Variants in SUPT5H observed in about 807,000 individuals in gnomAD.
SUPT5H encodes SPT5 homolog, DSIF elongation factor subunit.
In SUPT5H, 24 loss-of-function variants were observed where a neutral mutation model predicts 142.5. The ratio of observed to expected loss-of-function variants is 0.17; its 90% CI spans 0.12 to 0.24. The LOEUF (loss-of-function observed/expected upper bound fraction) is 0.24, where lower values mean the gene tolerates loss of function less well. Ranked by LOEUF, SUPT5H falls within the 10% of genes least tolerant of loss-of-function variation. The probability of loss-of-function intolerance (pLI) is 1.00; values close to 1 mark genes in which losing one functional copy is unlikely to be tolerated. For synonymous variants in SUPT5H, 546 were observed against 553.0 expected, an observed-to-expected ratio of 0.99 and a Z score of 0.18; for missense variants, 893 against 1,471.8, an observed-to-expected ratio of 0.61 and a Z score of 6.43.
Position 39,453,436 on chromosome 19 carries a change from G to A in SUPT5H, c.156G>A (p.Glu52=), listed in dbSNP as rs753644024. The stretch of plus-strand genomic sequence containing the variant: ...ACGAAGAGGAGGAGGAAGAGGAGGA[G>A]GAATACGATGAGGAAGAGGAGGAAG... ...PEDEEEEEEE[E]EYDEEEEEED... The change falls in exon 3 of 30, where the codon GAG becomes GAA. Residue 52 remains glutamate, a synonymous_variant. Transcript: ENST00000432763. 5 of 1,572,030 alleles carry A rather than the reference G, an allele frequency of 3.2e-6. No homozygotes were observed. The South Asian group carries it at 4.7e-5, about 15-fold the overall frequency.
In SUPT5H at chr19:39,456,911, C is replaced by T. The variant is rs141140513; in HGVS notation, c.242-764C>T. Among the ~76,000 whole-genome samples the T allele has an allele frequency of 4.1e-3, 628 of 152,252 alleles. 3 individuals are homozygous for T. The highest frequency in any genetic ancestry group is 0.014 in the African/African-American group (593 of 41,534). ...ATATCTCTAGGCAAGAAACTAGTCA[C>T]GGAGTTGCCTTTGGGAGAGGTTACT... On this transcript the variant is annotated intron_variant, in intron 3 of 29. Coordinates refer to ENST00000432763, the MANE Select transcript of SUPT5H (RefSeq NM_001111020.3).
chr19:39,471,290 G>A (rs1206230726), intron 18 of SUPT5H, 67 bp from the exon 19 acceptor site: 1 of 1,591,022 alleles, frequency 6.3e-7, no homozygotes, highest in Non-Finnish European at 8.6e-7. Context: ...CCCACTTTAG[G>A]GAACCCCTGC....
At position 39,470,072 on chromosome 19, in the gene SUPT5H, GGT is replaced by G; in HGVS notation, c.1375-45_1375-44del. 1.9e-6 allele frequency: 3 copies of G among 1,587,196 alleles called. No homozygotes were observed. Among genetic ancestry groups the G allele is most frequent in the Non-Finnish European group, 2.6e-6 (3 of 1,162,120 alleles). ...AAGACAGGAGGGGCAGGCAGGTTGT[GGT>G]GGTCTCCCTTCACCTGTTTGTTGTC... On this transcript the variant is annotated intron_variant, in intron 16 of 29. Transcript: ENST00000432763. This position sits in a 1 kb window ranked among gnomAD's most constrained non-coding sequence, Gnocchi z 5.8.
In SUPT5H at chr19:39,473,000, G is replaced by T; in HGVS notation, c.2156-12G>T. On this transcript the variant is annotated splice_polypyrimidine_tract_variant and intron_variant, in intron 22 of 29. Coordinates refer to ENST00000432763, the MANE Select transcript of SUPT5H (RefSeq NM_001111020.3). The surrounding 1 kb of genome is among the most constrained non-coding windows in gnomAD (Gnocchi z 4.2). ...GAGAGCCTGCCCAGCCTGACCTCCT[G>T]TCCCCCTGCAGGCTACATCGGTGTG... is the stretch of plus-strand genomic sequence containing the variant. 1 of 1,613,208 alleles carries T rather than the reference G, an allele frequency of 6.2e-7. No individual in the cohort carries two copies.
At position 39,457,753 on chromosome 19, in the gene SUPT5H, C is replaced by A. The variant is rs368617217; in HGVS notation, c.307+13C>A. 7 of 1,613,994 alleles carry A rather than the reference C, an allele frequency of 4.3e-6. No homozygotes were observed. The highest frequency in any genetic ancestry group is 5.9e-6 in the Non-Finnish European group (7 of 1,179,986). On this transcript the variant is annotated intron_variant, in intron 4 of 29. Transcript: ENST00000432763. ...ATTCTAGAGAAAGGTGTGTGTGAGC[C>A]CTGCCTCCACAAGACTACTGGGAAG...
chr19:39,458,553 G>T lies in SUPT5H; in HGVS notation c.319+248G>T. 1 of 788,892 alleles carries T rather than the reference G, an allele frequency of 1.3e-6. No individual in the cohort carries two copies. The highest frequency in any genetic ancestry group is 2.0e-6 in the Non-Finnish European group (1 of 497,772). 48.9% of individuals were successfully genotyped at this position (788,892 alleles called of 1,614,324 possible). A position where few individuals can be genotyped will look rare whatever the true frequency, so the allele number is the denominator to read the frequency against. On this transcript the variant is annotated intron_variant, in intron 5 of 29. Transcript: ENST00000432763. This position sits in a 1 kb window ranked among gnomAD's most constrained non-coding sequence, Gnocchi z 4.2. ...TGGGTGGTAGCGATGTGTGGGGTGG[G>T]GTGCAGTCCAGGGTGTGCCTGGACT...
chr19:39,464,764 C>T (rs372320455), intron 10 of SUPT5H, 34 bp from the exon 11 acceptor site: 1 of 1,564,788 alleles, frequency 6.4e-7, no homozygotes, highest in Non-Finnish European at 8.7e-7. Context: ...CGTTGTGTCT[C>T]ACTGTTTCCT....
intron 3 of SUPT5H, among the ~76,000 whole-genome samples, chr19:39,456,409 TGTTG>T (rs1173354983): frequency 6.8e-6 from 1 of 146,474 alleles, no homozygotes; most frequent in Non-Finnish European, 1.5e-5. Flanking sequence ...TGTTTTTTTT[TGTTG>T]TTGTTGTTGT....
In SUPT5H at chr19:39,458,273, A is replaced by ACCACCT; in HGVS notation, c.308-19_308-18insACCTCC. ...CACCACCACCACCACCACCACCACC[A>ACCACCT]CCTCCTCTTCCTCCAAGTAGAAGAG... is the stretch of plus-strand genomic sequence containing the variant. On this transcript the variant is annotated intron_variant, in intron 4 of 29. Transcript: ENST00000432763. This position sits in a 1 kb window ranked among gnomAD's most constrained non-coding sequence, Gnocchi z 4.2. 1 of 1,023,212 alleles carries ACCACCT rather than the reference A, an allele frequency of 9.8e-7. No homozygotes were observed. The highest frequency in any genetic ancestry group is 3.7e-5 in the East Asian group (1 of 26,784). The allele number at this position is 1,023,212 out of a possible 1,614,324, so 63.4% of individuals were successfully genotyped here.
At chr19:39,446,307 C>T (rs959417040) in intron 2 of SUPT5H, among the ~76,000 whole-genome samples, 3 of 151,770 alleles carry the variant, frequency 2.0e-5, no homozygotes, top group African/African-American at 7.3e-5. Flanking sequence ...ATTCTTTGCT[C>T]TTAGGGTACA....
At chr19:39,455,925 CT>C (rs34762912) in intron 3 of SUPT5H, among the ~76,000 whole-genome samples, 49,767 of 91,242 alleles carry the variant, frequency 0.55, 13,321 homozygotes, top group African/African-American at 0.66. Context: ...CCCGCCTCTT[CT>C]TTTTTTTTTT....
Position 39,472,553 on chromosome 19 carries a change from T to C in SUPT5H, c.2035+60T>C. ...TAGAAGGGGCTGGAAGGAACTTGGT[T>C]GTTCAGCCTACACTCACTGAGTGCC... On this transcript the variant is annotated intron_variant, in intron 21 of 29. Coordinates refer to ENST00000432763, the MANE Select transcript of SUPT5H (RefSeq NM_001111020.3). The surrounding 1 kb of genome is among the most constrained non-coding windows in gnomAD (Gnocchi z 4.2). 1 of 1,578,586 alleles carries C rather than the reference T, an allele frequency of 6.3e-7. No homozygotes were observed. The highest frequency in any genetic ancestry group is 8.7e-7 in the Non-Finnish European group (1 of 1,150,360).
rs201354133 is a variant in SUPT5H at position 39,473,209 on chromosome 19, A to G, written c.2265A>G (p.Ser755=). Residue 755 remains serine (S), a synonymous_variant, in exon 24 of 30, where the codon TCA becomes TCG. Transcript: ENST00000432763. The surrounding 1 kb of genome is among the most constrained non-coding windows in gnomAD (Gnocchi z 5.8). ...TTGTTCTCTGCGTCCCCAGGGGCTC[A>G]CGGCGCCCGGGCGGCATGACCTCGA... is the stretch of plus-strand genomic sequence containing the variant. ...VDRQRLTTVG[S]RRPGGMTSTY... is the part of the protein sequence containing the mutation. 778 of 1,612,448 alleles carry G rather than the reference A, an allele frequency of 4.8e-4. 17 individuals carry two copies. In the South Asian group the frequency reaches 7.9e-3, roughly 16 times the overall value.
chr19:39,463,940 T>A (rs1858609124), intron 10 of SUPT5H, among the ~76,000 whole-genome samples: 1 of 152,190 alleles, frequency 6.6e-6, no homozygotes, highest in Non-Finnish European at 1.5e-5. Flanking sequence ...TTAAAGTATA[T>A]TTTGTCTGAT....
At chr19:39,471,999 C>G in intron 20 of SUPT5H, 1 of 524,546 alleles carries the variant, frequency 1.9e-6, no homozygotes, top group Non-Finnish European at 3.3e-6. Context: ...AAATACTCTG[C>G]TCTCACAGAG....
intron 2 of SUPT5H, among the ~76,000 whole-genome samples, chr19:39,452,098 G>C (rs1707403152): frequency 6.6e-6 from 1 of 152,160 alleles, no homozygotes; most frequent in African/African-American, 2.4e-5. Context: ...GAGAAATGAT[G>C]TTTACAGGCA....
chr19:39,471,325 A>AC, intron 18 of SUPT5H, 32 bp from the exon 19 acceptor site: 2 of 1,613,156 alleles, frequency 1.2e-6, no homozygotes, highest in Non-Finnish European at 1.7e-6. Context: ...TCCCATTCTC[A>AC]CCCCCACAGC....
rs2079120785 is a variant in SUPT5H at position 39,458,492 on chromosome 19, A to G, written c.319+187A>G. 9.1e-7 allele frequency: 1 copy of G among 1,094,680 alleles called. No individual in the cohort carries two copies. Among genetic ancestry groups the G allele is most frequent in the South Asian group, 1.5e-5 (1 of 65,852 alleles). The allele number at this position is 1,094,680 out of a possible 1,614,324, so 67.8% of individuals were successfully genotyped here. On this transcript the variant is annotated intron_variant, in intron 5 of 29. Coordinates refer to ENST00000432763, the MANE Select transcript of SUPT5H (RefSeq NM_001111020.3). The surrounding 1 kb of genome is among the most constrained non-coding windows in gnomAD (Gnocchi z 4.2). ...GGTATACCCCAGTTGTTGACCTGGG[A>G]AAGCACGGATGTGTCTGTCTGGGAC...
chr19:39,459,277 T>C (rs1238922906), intron 8 of SUPT5H, 28 bp downstream of exon 8: 3 of 1,554,370 alleles, frequency 1.9e-6, no homozygotes, highest in Non-Finnish European at 2.6e-6. Flanking sequence ...GTGGGGGCCG[T>C]GCTGGGGTGC....
Sources: allele counts gnomAD v4.1 joint callset (sites outside exome capture counted in the v4.1 genomes callset), GRCh38; gene constraint gnomAD v4.1.1; non-coding constraint Gnocchi (gnomAD v3.1); transcripts MANE v1.5; gene names NCBI Gene and HGNC (gene_info 2026-07-23, HGNC 2026-07-21).